PCDH9: variants seen among roughly 807,000 people sequenced by gnomAD.
The protein encoded by PCDH9 is protocadherin-9.
A neutral mutation model predicts 70.6 loss-of-function variants in PCDH9; 24 were observed. The observed-to-expected ratio is 0.34, with a 90% confidence interval of 0.25 to 0.48. The LOEUF (loss-of-function observed/expected upper bound fraction) is 0.48. PCDH9 is among the 20% of genes least tolerant of loss of function. PCDH9 has a pLI of 0.99. For synonymous variants in PCDH9, 562 were observed against 558.5 expected (o/e 1.01, Z -0.09); for missense variants, 1,281 against 1,503.6 (o/e 0.85, Z 2.45).
At chr13:66,384,638 C>A (rs1265572336) in intron 4 of PCDH9, among the ~76,000 whole-genome samples, 2 of 152,066 alleles carry the variant, frequency 1.3e-5, no homozygotes, top group Admixed American at 1.3e-4. Flanking sequence ...ATTTATTCAA[C>A]CTACATATCT....
At chr13:67,105,955 T>A (rs991091215) in intron 2 of PCDH9, among the ~76,000 whole-genome samples, 3 of 151,406 alleles carry the variant, frequency 2.0e-5, no homozygotes, top group Admixed American at 2.0e-4. Flanking sequence ...ATATATTAGT[T>A]TATAGTGTAG....
intron 3 of PCDH9, among the ~76,000 whole-genome samples, chr13:66,845,597 C>G (rs2081193934): frequency 6.6e-6 from 1 of 152,162 alleles, no homozygotes; most frequent in South Asian, 2.1e-4. Flanking sequence ...ACAGGGATGC[C>G]TGGATCCACA....
chr13:66,409,322 T>C (rs1231839962), intron 4 of PCDH9, among the ~76,000 whole-genome samples: 1 of 152,204 alleles, frequency 6.6e-6, no homozygotes, highest in Non-Finnish European at 1.5e-5. Flanking sequence ...ATTTGCTGTA[T>C]TTCAAATGCT....
chr13:67,060,170 T>C (rs1469738953), intron 2 of PCDH9, among the ~76,000 whole-genome samples: 1 of 152,054 alleles, frequency 6.6e-6, no homozygotes, highest in African/African-American at 2.4e-5. Context: ...TGAGGTCAGG[T>C]AGATAAAGTG....
chr13:66,499,498 T>C (rs1259534548), intron 4 of PCDH9, among the ~76,000 whole-genome samples: 2 of 152,158 alleles, frequency 1.3e-5, no homozygotes, highest in Admixed American at 1.3e-4. Flanking sequence ...ATCATGATGC[T>C]CAAGATGGTG....
chr13:66,565,910 T>C (rs1374606880), intron 4 of PCDH9, among the ~76,000 whole-genome samples: 2 of 151,998 alleles, frequency 1.3e-5, no homozygotes, highest in Admixed American at 6.6e-5. Context: ...TTTTAGAAAA[T>C]GATGGAAAGA....
At chr13:66,606,343 G>A (rs1215879905) in intron 4 of PCDH9, among the ~76,000 whole-genome samples, 1 of 152,070 alleles carries the variant, frequency 6.6e-6, no homozygotes, top group Admixed American at 6.6e-5. Flanking sequence ...TAGGCACCAC[G>A]AATGCAACAC....
chr13:66,558,524 T>G (rs915613160), intron 4 of PCDH9, among the ~76,000 whole-genome samples: 1 of 151,792 alleles, frequency 6.6e-6, no homozygotes, highest in East Asian at 1.9e-4. Flanking sequence ...AAGGGGTGAG[T>G]TAAAGAGTTG....
At chr13:67,055,333 G>A (rs548421085) in intron 2 of PCDH9, among the ~76,000 whole-genome samples, 10 of 152,258 alleles carry the variant, frequency 6.6e-5, no homozygotes, top group African/African-American at 2.4e-4. Flanking sequence ...TAAAATTCTG[G>A]TACAGTTGTT....
intron 4 of PCDH9, among the ~76,000 whole-genome samples, chr13:66,558,104 A>C (rs1268092160): frequency 6.6e-6 from 1 of 152,260 alleles, no homozygotes; most frequent in Non-Finnish European, 1.5e-5. Context: ...GCAGTGAGCT[A>C]TGATTGCACC....
At position 66,649,805 on chromosome 13, in the gene PCDH9, A is replaced by AAAGCAGTGGGGCAAAAAGCAGTGG. The variant is rs1161709322; in HGVS notation, c.3139-18395_3139-18394insCCACTGCTTTTTGCCCCACTGCTT. ...AAAGATATAAATAGAAAAAACAAAA[A>AAAGCAGTGGGGCAAAAAGCAGTGG]GGTAAAAAGCAGTGGGGCAAAGTTA... On this transcript the variant is annotated intron_variant, in intron 3 of 4. Coordinates refer to ENST00000377865, the MANE Select transcript of PCDH9 (RefSeq NM_203487.3). 3.3e-5 allele frequency among the ~76,000 whole-genome samples: 5 copies of AAAGCAGTGGGGCAAAAAGCAGTGG among 152,196 alleles called. No individual in the cohort carries two copies. In the East Asian group the frequency reaches 9.6e-4, roughly 29 times the overall value.
At chr13:66,373,362 C>T (rs554048827) in intron 4 of PCDH9, among the ~76,000 whole-genome samples, 3 of 151,800 alleles carry the variant, frequency 2.0e-5, no homozygotes, top group Non-Finnish European at 2.9e-5. Flanking sequence ...GGGAAATTGT[C>T]GTTTAATGGG....
intron 3 of PCDH9, among the ~76,000 whole-genome samples, chr13:66,782,215 C>T (rs74093604): frequency 0.015 from 2,244 of 152,150 alleles, 66 homozygotes; most frequent in African/African-American, 0.051. Context: ...ATCCTTAATT[C>T]CTACAGACTT....
At chr13:67,121,699 G>A (rs544907679) in intron 2 of PCDH9, among the ~76,000 whole-genome samples, 16 of 152,228 alleles carry the variant, frequency 1.1e-4, no homozygotes, top group African/African-American at 3.9e-4. Context: ...ATATGACAAT[G>A]GCTATGTCTG....
At chr13:67,131,759 A>G (rs1262031169) in intron 2 of PCDH9, among the ~76,000 whole-genome samples, 5 of 152,204 alleles carry the variant, frequency 3.3e-5, no homozygotes. Flanking sequence ...TTTCCACTTT[A>G]ACACTTTCCT....
In PCDH9 at chr13:66,902,816, TA is replaced by T. The variant is rs577877244; in HGVS notation, c.3138+687del. ...TGTTATGTGTTTTTTTACCATGACT[TA>T]AAAAAAAATACATGAAAGATAGTAG... On this transcript the variant is annotated intron_variant, in intron 3 of 4. Coordinates refer to ENST00000377865, the MANE Select transcript of PCDH9 (RefSeq NM_203487.3). Among the ~76,000 whole-genome samples the T allele has an allele frequency of 5.5e-3, 821 of 150,528 alleles. 6 individuals carry two copies. Among genetic ancestry groups the T allele is most frequent in the Admixed American group, 8.2e-3 (123 of 15,036 alleles).
At chr13:66,518,520 T>C (rs1040274216) in intron 4 of PCDH9, among the ~76,000 whole-genome samples, 3 of 152,056 alleles carry the variant, frequency 2.0e-5, no homozygotes, top group African/African-American at 4.8e-5. Flanking sequence ...TCGATAAAAT[T>C]TGGATTTGAA....
At chr13:66,338,288 C>T (rs1226218497) in intron 4 of PCDH9, among the ~76,000 whole-genome samples, 5 of 151,998 alleles carry the variant, frequency 3.3e-5, no homozygotes, top group African/African-American at 1.2e-4. Flanking sequence ...TACAACAATC[C>T]TTCCTGAATC....
chr13:66,347,924 A>G (rs552357256), intron 4 of PCDH9, among the ~76,000 whole-genome samples: 2 of 152,268 alleles, frequency 1.3e-5, no homozygotes, highest in Admixed American at 1.3e-4. Context: ...CTATTCAACA[A>G]TTCCTTTAAT....
Sources: allele counts gnomAD v4.1 joint callset (sites outside exome capture counted in the v4.1 genomes callset), GRCh38; gene constraint gnomAD v4.1.1; transcripts MANE v1.5; gene names NCBI Gene and HGNC (gene_info 2026-07-23, HGNC 2026-07-21).